PLA2G4A: variants seen among roughly 807,000 people sequenced by gnomAD.
PLA2G4A encodes the protein phospholipase A2 group IVA.
In PLA2G4A, 40 loss-of-function variants were observed where a neutral mutation model predicts 81.9. That is an observed-to-expected ratio of 0.49 (90% CI 0.38 to 0.64). PLA2G4A has a LOEUF of 0.64. Among genes scored for constraint, PLA2G4A ranks in the 30% least tolerant of loss-of-function variants. The pLI is 0.00. For synonymous variants in PLA2G4A, 302 were observed against 296.9 expected (o/e 1.02, Z -0.18); for missense variants, 715 against 905.1 (o/e 0.79, Z 2.69).
chr1:186,865,010 G>A (rs972755497), intron 2 of PLA2G4A, among the ~76,000 whole-genome samples: 10 of 150,722 alleles, frequency 6.6e-5, no homozygotes, highest in African/African-American at 1.2e-4. Context: ...GGCTGAGGTC[G>A]GAAGATCATC....
At chr1:186,924,977 A>T (rs1003648573) in intron 7 of PLA2G4A, among the ~76,000 whole-genome samples, 1 of 151,592 alleles carries the variant, frequency 6.6e-6, no homozygotes, top group Admixed American at 6.6e-5. Context: ...GAACCCAGGA[A>T]GTAGAGGCTG....
intron 7 of PLA2G4A, among the ~76,000 whole-genome samples, chr1:186,919,111 G>A (rs989871435): frequency 6.6e-6 from 1 of 152,190 alleles, no homozygotes; most frequent in Non-Finnish European, 1.5e-5. Flanking sequence ...CCTAGGGCTG[G>A]GGCCGACATA....
At chr1:186,832,379 T>C (rs1044449569) in intron 1 of PLA2G4A, among the ~76,000 whole-genome samples, 8 of 152,154 alleles carry the variant, frequency 5.3e-5, no homozygotes, top group African/African-American at 1.9e-4. Context: ...GTCTTCTCAA[T>C]TGTAAAATAG....
chr1:186,940,741 G>A (rs73049064), intron 10 of PLA2G4A, among the ~76,000 whole-genome samples: 123 of 152,222 alleles, frequency 8.1e-4, no homozygotes, highest in African/African-American at 2.8e-3. Flanking sequence ...TGTCAACAAC[G>A]TTACATTTTC....
chr1:186,925,925 G>A (rs1655531862), intron 7 of PLA2G4A, among the ~76,000 whole-genome samples: 1 of 152,216 alleles, frequency 6.6e-6, no homozygotes, highest in East Asian at 1.9e-4. Context: ...TAGTATGGTA[G>A]ATCCTTGGTG....
chr1:186,862,036 A>C (rs1652822230), intron 2 of PLA2G4A, among the ~76,000 whole-genome samples: 1 of 150,256 alleles, frequency 6.7e-6, no homozygotes, highest in South Asian at 2.1e-4. Flanking sequence ...TAGAAATAAT[A>C]AAAATATTGA....
rs181320872 is a variant in PLA2G4A at position 186,867,302 on chromosome 1, T to C, written c.34-3133T>C. Among the ~76,000 whole-genome samples, 686 of 152,280 alleles carry C rather than the reference T, an allele frequency of 4.5e-3. 7 individuals are homozygous for C. The highest frequency in any genetic ancestry group is 0.016 in the African/African-American group (654 of 41,576). On this transcript the variant is annotated intron_variant, in intron 2 of 17. Transcript: ENST00000367466. Reference sequence around the variant, plus strand: ...TAGATCACATTGGAAAGAAATGACATCTTTACATTATTGAGTCTTCCCATC... The same window carrying C: ...TAGATCACATTGGAAAGAAATGACACCTTTACATTATTGAGTCTTCCCATC...
intron 12 of PLA2G4A, among the ~76,000 whole-genome samples, chr1:186,950,094 G>C (rs1490924469): frequency 6.6e-6 from 1 of 152,026 alleles, no homozygotes; most frequent in Non-Finnish European, 1.5e-5. Flanking sequence ...AAGGATTTCT[G>C]GTTGTTATTT....
At position 186,958,491 on chromosome 1, in the gene PLA2G4A, G is replaced by A. The variant is rs986242236; in HGVS notation, c.1579+2147G>A. ...AAACTACAAATTCATAGAGCATGTCGATATATAGAGAATCTTCAGTTATTT... is the reference window on the plus strand; with the variant it reads ...AAACTACAAATTCATAGAGCATGTCAATATATAGAGAATCTTCAGTTATTT... On this transcript the variant is annotated intron_variant, in intron 14 of 17. Transcript: ENST00000367466. 5.9e-5 allele frequency among the ~76,000 whole-genome samples: 9 copies of A among 152,044 alleles called. No homozygotes were observed. In the South Asian group the frequency reaches 6.2e-4, roughly 11 times the overall value.
At chr1:186,888,018 T>C (rs1653996251) in intron 3 of PLA2G4A, among the ~76,000 whole-genome samples, 1 of 152,196 alleles carries the variant, frequency 6.6e-6, no homozygotes. Flanking sequence ...TTTGGTAGTT[T>C]TCCACTGTCC....
At chr1:186,915,279 A>G (rs1158775397) in intron 7 of PLA2G4A, among the ~76,000 whole-genome samples, 2 of 152,318 alleles carry the variant, frequency 1.3e-5, no homozygotes, top group Admixed American at 6.5e-5. Flanking sequence ...TCAAGGGCCA[A>G]TCTATTTTGA....
chr1:186,936,015 TA>T (rs1418448847), intron 8 of PLA2G4A, among the ~76,000 whole-genome samples: 1 of 151,896 alleles, frequency 6.6e-6, no homozygotes, highest in Admixed American at 6.6e-5. Flanking sequence ...ATGAGTGAAC[TA>T]AAAAAACAGG....
At chr1:186,913,432 C>A (rs1054057291) in intron 7 of PLA2G4A, among the ~76,000 whole-genome samples, 27 of 151,938 alleles carry the variant, frequency 1.8e-4, no homozygotes, top group African/African-American at 6.3e-4. Context: ...AATCACCTAT[C>A]TAATCTGCTT....
intron 3 of PLA2G4A, among the ~76,000 whole-genome samples, chr1:186,871,327 T>C (rs1042987248): frequency 3.3e-5 from 5 of 152,166 alleles, no homozygotes. Context: ...CAAATAACAA[T>C]GGATACAACA....
At chr1:186,926,568 G>A (rs773183316) in intron 7 of PLA2G4A, among the ~76,000 whole-genome samples, 8 of 152,146 alleles carry the variant, frequency 5.3e-5, no homozygotes, top group Non-Finnish European at 1.2e-4. Flanking sequence ...TCTGTTCAGT[G>A]CTGGCCAGTT....
At position 186,939,342 on chromosome 1, in the gene PLA2G4A, C is replaced by G. The variant is rs1656065481; in HGVS notation, c.918+112C>G. The G allele has an allele frequency of 2.1e-5, 11 of 513,740 alleles. No individual in the cohort carries two copies. In the South Asian group the frequency reaches 3.7e-4, roughly 17 times the overall value. 31.8% of individuals were successfully genotyped at this position (513,740 alleles called of 1,614,324 possible). A position where few individuals can be genotyped will look rare whatever the true frequency, so the allele number is the denominator to read the frequency against. ...TACATTTTATAAAAGTCAGTGGACT[C>G]TACTTATTTGTCCAACTATGCGTAC... On this transcript the variant is annotated intron_variant, in intron 9 of 17. Coordinates refer to ENST00000367466, the MANE Select transcript of PLA2G4A (RefSeq NM_024420.3).
At position 186,976,750 on chromosome 1, in the gene PLA2G4A, G is replaced by C. The variant is rs896763320; in HGVS notation, c.1765-843G>C. On this transcript the variant is annotated intron_variant, in intron 15 of 17. Coordinates refer to ENST00000367466, the MANE Select transcript of PLA2G4A (RefSeq NM_024420.3). The stretch of plus-strand genomic sequence containing the variant: ...TCTCCATATTGATTTATGTTCTCCA[G>C]TTTAAATTTAATTTTGGGGGTGCTT... Among the ~76,000 whole-genome samples the C allele has an allele frequency of 1.9e-4, 29 of 152,328 alleles. 1 individual carries two copies. Among genetic ancestry groups the C allele is most frequent in the African/African-American group, 6.3e-4 (26 of 41,572 alleles).
chr1:186,854,211 G>A (rs540713434), intron 1 of PLA2G4A, 75 bp from the exon 2 acceptor site: 12 of 629,098 alleles, frequency 1.9e-5, no homozygotes, highest in African/African-American at 1.5e-4. Context: ...TTCCTAAGAC[G>A]CATACTCATA....
At chr1:186,981,587 C>G (rs974604417) in intron 17 of PLA2G4A, among the ~76,000 whole-genome samples, 1 of 152,054 alleles carries the variant, frequency 6.6e-6, no homozygotes, top group African/African-American at 2.4e-5. Flanking sequence ...TAAAATTTAT[C>G]ATTTTAACCA....
Sources: gnomAD v4.1 joint callset for allele counts (sites outside exome capture counted in the v4.1 genomes callset) on GRCh38, gnomAD v4.1.1 for gene constraint, MANE v1.5 for transcripts, NCBI Gene and HGNC (gene_info 2026-07-23, HGNC 2026-07-21) for gene names.